TMPRSS15: variants seen among roughly 807,000 people sequenced by gnomAD.
The protein encoded by TMPRSS15 is enteropeptidase.
TMPRSS15 carries 128 observed loss-of-function variants against 125.3 expected under a neutral mutation model. The observed-to-expected ratio is 1.02, with a 90% CI of 0.89 to 1.18. TMPRSS15 has a LOEUF of 1.18. Ranked by LOEUF, TMPRSS15 falls within the 50% of genes most tolerant of loss-of-function variation. TMPRSS15 has a pLI of 0.00. For synonymous variants in TMPRSS15, 446 were observed against 423.2 expected (o/e 1.05, Z -0.66); for missense variants, 1,283 against 1,212.7 (o/e 1.06, Z -0.86).
At chr21:18,410,180 A>T (rs1411304130) in intron 1 of TMPRSS15, among the ~76,000 whole-genome samples, 1 of 150,022 alleles carries the variant, frequency 6.7e-6, no homozygotes, top group Non-Finnish European at 1.5e-5. Flanking sequence ...ATAAATTCAC[A>T]TGAGGCTGTA....
rs146677106 is a variant in TMPRSS15 at position 18,394,769 on chromosome 21, C to A, written c.344+3110G>T. Among the ~76,000 whole-genome samples, 328 of 152,062 alleles carry A rather than the reference C, an allele frequency of 2.2e-3. 6 individuals carry two copies. The highest frequency in any genetic ancestry group is 7.3e-3 in the African/African-American group (304 of 41,474). On this transcript the variant is annotated intron_variant, in intron 3 of 24. Transcript: ENST00000284885. The stretch of plus-strand genomic sequence containing the variant: ...TATTACAATCTAAATGATAAAAAAG[C>A]CCCTTATAGACTTCTGGATAGATCA...
At chr21:18,340,294 T>C (rs1009359510) in intron 13 of TMPRSS15, among the ~76,000 whole-genome samples, 3 of 152,196 alleles carry the variant, frequency 2.0e-5, no homozygotes, top group African/African-American at 7.2e-5. Flanking sequence ...TCCCCCATGC[T>C]GGATGCTTCC....
At chr21:18,290,643 C>T (rs2074822666) in intron 21 of TMPRSS15, among the ~76,000 whole-genome samples, 1 of 151,896 alleles carries the variant, frequency 6.6e-6, no homozygotes, top group Non-Finnish European at 1.5e-5. Flanking sequence ...ATACACTATC[C>T]TGAATTGGTT....
chr21:18,343,451 T>A, intron 12 of TMPRSS15, 55 bp downstream of exon 12: 1 of 1,461,078 alleles, frequency 6.8e-7, no homozygotes, highest in East Asian at 2.3e-5. Flanking sequence ...ATTCTAAATA[T>A]AATTGTTCCA....
In TMPRSS15 at chr21:18,387,933, T is replaced by C. The variant is rs552432418; in HGVS notation, c.345-4155A>G. 2.0e-5 allele frequency among the ~76,000 whole-genome samples: 3 copies of C among 152,300 alleles called. No individual in the cohort carries two copies. In the East Asian group the frequency reaches 5.8e-4, roughly 29 times the overall value. On this transcript the variant is annotated intron_variant, in intron 3 of 24. Coordinates refer to ENST00000284885, the MANE Select transcript of TMPRSS15 (RefSeq NM_002772.3). ...ATTGGATTTTTAAATTAAAATAATT[T>C]ATAAAGTTAATAATGAGTCTTCTAC...
Position 18,312,959 on chromosome 21 carries a change from T to C in TMPRSS15, c.2151A>G (p.Gln717=). 1 of 1,613,964 alleles carries C rather than the reference T, an allele frequency of 6.2e-7. No homozygotes were observed. Among genetic ancestry groups the C allele is most frequent in the Non-Finnish European group, 8.5e-7 (1 of 1,179,864 alleles). Residue 717 remains glutamine, a synonymous_variant, in exon 18 of 25, where the codon CAA becomes CAG. Transcript: ENST00000284885. ...GAATTACTTACCCTAGTCCCAGCAG[T>C]TGACAAACATCATTTGAAATCTGGG... is the stretch of plus-strand genomic sequence containing the variant. ...WTTQISNDVC[Q]LLGLGSGNSS...
At chr21:18,425,202 A>T (rs994295308) in intron 1 of TMPRSS15, among the ~76,000 whole-genome samples, 1 of 152,070 alleles carries the variant, frequency 6.6e-6, no homozygotes, top group Non-Finnish European at 1.5e-5. Flanking sequence ...GCATGCCAAC[A>T]GAAAACTATT....
chr21:18,413,355 CCTT>C (rs2076172147), intron 1 of TMPRSS15, among the ~76,000 whole-genome samples: 1 of 132,816 alleles, frequency 7.5e-6, no homozygotes, highest in African/African-American at 3.0e-5. Context: ...TTCCTTCCTT[CCTT>C]CCTTTCCTTC....
At chr21:18,396,908 C>A (rs2076046876) in intron 3 of TMPRSS15, among the ~76,000 whole-genome samples, 1 of 151,498 alleles carries the variant, frequency 6.6e-6, no homozygotes, top group Non-Finnish European at 1.5e-5. Context: ...TTCCTTTTTG[C>A]CAGCTTGTCA....
chr21:18,313,670 G>A (rs1210295099), intron 17 of TMPRSS15, among the ~76,000 whole-genome samples: 8 of 151,704 alleles, frequency 5.3e-5, no homozygotes, highest in African/African-American at 1.5e-4. Context: ...GAGCATGATG[G>A]AAGGTCTAAT....
intron 21 of TMPRSS15, among the ~76,000 whole-genome samples, chr21:18,288,489 TAA>T (rs2074791848): frequency 6.6e-6 from 1 of 151,532 alleles, no homozygotes; most frequent in East Asian, 1.9e-4. Flanking sequence ...AAATAGCATT[TAA>T]AAGAGAAGTC....
intron 24 of TMPRSS15, among the ~76,000 whole-genome samples, chr21:18,273,389 T>C (rs1012786271): frequency 2.0e-4 from 31 of 152,176 alleles, no homozygotes; most frequent in African/African-American, 6.0e-4. Flanking sequence ...TAAAACATAG[T>C]ATTAAAGTTG....
Position 18,379,273 on chromosome 21 carries a change from TA to T in TMPRSS15, c.532+9del. 1.5e-6 allele frequency: 2 copies of T among 1,297,810 alleles called. No individual in the cohort carries two copies. Among genetic ancestry groups the T allele is most frequent in the Non-Finnish European group, 2.0e-6 (2 of 992,502 alleles). The allele number at this position is 1,297,810 out of a possible 1,614,324, so 80.4% of individuals were successfully genotyped here. The stretch of plus-strand genomic sequence containing the variant: ...TTTCAAAAAATAATAATAATATTAT[TA>T]AAACTGACCTGGAGTTGCCAGATGA... On this transcript the variant is annotated intron_variant, in intron 5 of 24. Transcript: ENST00000284885.
rs994884608 is a variant in TMPRSS15 at position 18,332,256 on chromosome 21, T to G, written c.1565-83A>C. On this transcript the variant is annotated intron_variant, in intron 13 of 24. Transcript: ENST00000284885. The stretch of plus-strand genomic sequence containing the variant: ...ATACCATATGCCAGCGAATTTTCAA[T>G]TACATTTCTTAGAATACAAATTTTG... 4.1e-6 allele frequency: 5 copies of G among 1,221,446 alleles called. No homozygotes were observed. The African/African-American group carries it at 7.4e-5, about 18-fold the overall frequency. The allele number at this position is 1,221,446 out of a possible 1,614,324, so 75.7% of individuals were successfully genotyped here.
At chr21:18,406,574 T>C (rs147309729), upstream of TMPRSS15, among the ~76,000 whole-genome samples, 500 of 152,236 alleles carry the variant, frequency 3.3e-3, 3 homozygotes, top group Admixed American at 6.0e-3. Context: ...CAAATGTCTA[T>C]AGGTGGTCAA....
intron 6 of TMPRSS15, among the ~76,000 whole-genome samples, chr21:18,365,941 GC>G (rs2147034950): frequency 6.6e-6 from 1 of 151,634 alleles, no homozygotes; most frequent in African/African-American, 2.4e-5. Context: ...CACCATGTTG[GC>G]CAGGCTGGTC....
intron 1 of TMPRSS15, among the ~76,000 whole-genome samples, chr21:18,424,331 T>C (rs1030508318): frequency 1.3e-5 from 2 of 152,204 alleles, no homozygotes; most frequent in African/African-American, 4.8e-5. Flanking sequence ...CCCAGACTGC[T>C]CCCAATTGTC....
At chr21:18,400,148 G>T (rs1476252771) in intron 1 of TMPRSS15, among the ~76,000 whole-genome samples, 1 of 152,050 alleles carries the variant, frequency 6.6e-6, no homozygotes, top group Non-Finnish European at 1.5e-5. Context: ...TGACCATACT[G>T]CCCAAAGCAA....
At chr21:18,423,634 T>A (rs892521661) in intron 1 of TMPRSS15, among the ~76,000 whole-genome samples, 7 of 151,538 alleles carry the variant, frequency 4.6e-5, no homozygotes, top group South Asian at 4.2e-4. Flanking sequence ...GGCCAGATGG[T>A]CTCGATCTCC....
Sources: gnomAD v4.1 joint callset for allele counts (sites outside exome capture counted in the v4.1 genomes callset) on GRCh38, gnomAD v4.1.1 for gene constraint, MANE v1.5 for transcripts, NCBI Gene and HGNC (gene_info 2026-07-23, HGNC 2026-07-21) for gene names.